The following CSMD1 variants were observed in gnomAD, a reference collection of about 807,000 sequenced individuals.
The protein encoded by CSMD1 is CUB and sushi domain-containing protein 1.
In CSMD1, 213 loss-of-function variants were observed where a neutral mutation model predicts 417.5. That is an observed-to-expected ratio of 0.51 (90% CI 0.46 to 0.57). The LOEUF (loss-of-function observed/expected upper bound fraction) is 0.57. Among genes scored for constraint, CSMD1 ranks in the 20% least tolerant of loss-of-function variants. CSMD1 has a pLI of 0.00. For missense variants in CSMD1, 6,923 were observed against 4,529.7 expected (o/e 1.53, Z -15.17); for synonymous variants, 2,862 against 1,736.8 (o/e 1.65, Z -16.11).
intron 26 of CSMD1, among the ~76,000 whole-genome samples, chr8:3,241,024 A>C (rs139275165): frequency 2.7e-5 from 4 of 147,440 alleles, no homozygotes; most frequent in Non-Finnish European, 6.0e-5. Flanking sequence ...ATGATCGGTC[A>C]CCAAGGAGGG....
chr8:4,164,701 G>T (rs1395134179), intron 3 of CSMD1, among the ~76,000 whole-genome samples: 1 of 152,020 alleles, frequency 6.6e-6, no homozygotes, highest in African/African-American at 2.4e-5. Context: ...TGTTGCTGAG[G>T]TGGAGGAAAG....
chr8:4,125,797 A>G (rs749514271), intron 3 of CSMD1, among the ~76,000 whole-genome samples: 2 of 151,024 alleles, frequency 1.3e-5, no homozygotes, highest in Non-Finnish European at 2.9e-5. Flanking sequence ...CAATTGATCA[A>G]TTGATAACAG....
At position 4,679,105 on chromosome 8, in the gene CSMD1, G is replaced by A. The variant is rs147156803; in HGVS notation, c.86-41547C>T. Among the ~76,000 whole-genome samples, 45 of 152,164 alleles carry A rather than the reference G, an allele frequency of 3.0e-4. No homozygotes were observed. In the East Asian group the frequency reaches 6.6e-3, roughly 22 times the overall value. On this transcript the variant is annotated intron_variant, in intron 1 of 69. Transcript: ENST00000635120. The stretch of plus-strand genomic sequence containing the variant: ...GGTAGCCTCACATCTGGTCATCTGC[G>A]CAAGTTTCTTTTTCTGTCAATGTAC...
chr8:3,883,552 C>T (rs989485293), intron 5 of CSMD1, among the ~76,000 whole-genome samples: 1 of 152,054 alleles, frequency 6.6e-6, no homozygotes, highest in Admixed American at 6.6e-5. Context: ...ATAACTAAAG[C>T]AGTGAACTGA....
chr8:3,198,355 C>T (rs969994762), intron 33 of CSMD1, among the ~76,000 whole-genome samples: 71 of 152,252 alleles, frequency 4.7e-4, no homozygotes, highest in African/African-American at 1.0e-3. Context: ...TTGGTCTAAA[C>T]GTGATTCTGC....
chr8:3,505,217 C>T (rs908951213), intron 10 of CSMD1, among the ~76,000 whole-genome samples: 1 of 151,920 alleles, frequency 6.6e-6, no homozygotes, highest in African/African-American at 2.4e-5. Context: ...AGTCGCAATG[C>T]AATAATGGAT....
intron 12 of CSMD1, among the ~76,000 whole-genome samples, chr8:3,444,627 C>T (rs147129043): frequency 1.3e-5 from 2 of 152,004 alleles, no homozygotes; most frequent in African/African-American, 4.8e-5. Flanking sequence ...GTCACAGGAC[C>T]GTCCCTGCCT....
chr8:4,985,379 T>TA (rs199652852), intron 1 of CSMD1, among the ~76,000 whole-genome samples: 2,340 of 152,076 alleles, frequency 0.015, 54 homozygotes, highest in African/African-American at 0.052. Flanking sequence ...AAAGTTTTTT[T>TA]TAAAAAAAAA....
At chr8:2,979,347 C>T (rs1297211832) in intron 54 of CSMD1, among the ~76,000 whole-genome samples, 2 of 152,236 alleles carry the variant, frequency 1.3e-5, no homozygotes, top group Non-Finnish European at 2.9e-5. Flanking sequence ...CTGACTTAGG[C>T]CTCTTCTCCT....
chr8:4,367,864 A>G (rs1802174644), intron 3 of CSMD1, among the ~76,000 whole-genome samples: 1 of 152,134 alleles, frequency 6.6e-6, no homozygotes, highest in African/African-American at 2.4e-5. Context: ...GAGCTTCGAT[A>G]GGGTATAGAA....
chr8:4,051,888 C>CTCCT (rs1476676818), intron 3 of CSMD1, among the ~76,000 whole-genome samples: 7 of 10,676 alleles, frequency 6.6e-4, no homozygotes, highest in Admixed American at 3.1e-3. Flanking sequence ...TTCTTCCTTC[C>CTCCT]TTCCTTCCTT....
At chr8:4,153,384 C>T (rs1045063248) in intron 3 of CSMD1, among the ~76,000 whole-genome samples, 4 of 152,214 alleles carry the variant, frequency 2.6e-5, no homozygotes, top group African/African-American at 2.4e-5. Context: ...CAGTGTAATA[C>T]TCTGCAGTTC....
intron 1 of CSMD1, among the ~76,000 whole-genome samples, chr8:4,791,586 C>G (rs1376784399): frequency 6.6e-6 from 1 of 152,136 alleles, no homozygotes; most frequent in Non-Finnish European, 1.5e-5. Context: ...GTGAGGAAAT[C>G]TGAAGCAGGA....
chr8:3,266,669 G>A (rs1448659570), intron 26 of CSMD1, among the ~76,000 whole-genome samples: 1 of 148,502 alleles, frequency 6.7e-6, no homozygotes, highest in Non-Finnish European at 1.5e-5. Context: ...CAGCTACTCA[G>A]GAGGCTAAGG....
intron 12 of CSMD1, among the ~76,000 whole-genome samples, chr8:3,415,296 A>T (rs937729780): frequency 2.0e-5 from 3 of 152,326 alleles, no homozygotes; most frequent in Admixed American, 1.3e-4. Flanking sequence ...TTTCAAGAAT[A>T]TAATACATTA....
intron 3 of CSMD1, among the ~76,000 whole-genome samples, chr8:4,400,505 A>G (rs953803968): frequency 5.9e-5 from 9 of 152,198 alleles, no homozygotes; most frequent in African/African-American, 1.9e-4. Context: ...CACGAGTTCT[A>G]AAAAAGTCAA....
In CSMD1 at chr8:4,358,037, G is replaced by A. The variant is rs1347183352; in HGVS notation, c.415+61916C>T. On this transcript the variant is annotated intron_variant, in intron 3 of 69. Transcript: ENST00000635120. ...GAACTTCTGTCCTGAGGAATACACA[G>A]TAGCTGCTGCTGATTTACATGTATA... 2.6e-5 allele frequency among the ~76,000 whole-genome samples: 4 copies of A among 152,074 alleles called. No homozygotes were observed. In the East Asian group the frequency reaches 7.7e-4, roughly 29 times the overall value.
At chr8:3,824,317 G>A (rs961226200) in intron 5 of CSMD1, among the ~76,000 whole-genome samples, 3 of 152,096 alleles carry the variant, frequency 2.0e-5, no homozygotes, top group Non-Finnish European at 4.4e-5. Flanking sequence ...AACAGCCTAG[G>A]AATACTGAGA....
chr8:4,217,930 G>A (rs960666647), intron 3 of CSMD1, among the ~76,000 whole-genome samples: 12 of 152,310 alleles, frequency 7.9e-5, no homozygotes, highest in African/African-American at 2.9e-4. Context: ...AGATTCAGGA[G>A]CAAAGAAATG....
Sources: allele counts gnomAD v4.1 joint callset (sites outside exome capture counted in the v4.1 genomes callset), GRCh38; gene constraint gnomAD v4.1.1; transcripts MANE v1.5; gene names NCBI Gene and HGNC (gene_info 2026-07-23, HGNC 2026-07-21).